Variants in FMN2 observed in about 807,000 individuals in gnomAD.
The protein encoded by FMN2 is formin-2.
A neutral mutation model predicts 142.3 loss-of-function variants in FMN2; 51 were observed. The observed-to-expected ratio is 0.36, with a 90% CI of 0.29 to 0.45. FMN2 has a LOEUF of 0.45. Ranked by LOEUF, FMN2 falls within the 20% of genes least tolerant of loss-of-function variation. The probability of loss-of-function intolerance (pLI) is 1.00; values close to 1 mark genes in which losing one functional copy is unlikely to be tolerated. For missense variants in FMN2, 1,936 were observed against 2,122.8 expected (o/e 0.91, Z 1.73); for synonymous variants, 882 against 869.8 (o/e 1.01, Z -0.25).
intron 8 of FMN2, among the ~76,000 whole-genome samples, chr1:240,307,842 T>A (rs1670465544): frequency 6.6e-6 from 1 of 152,220 alleles, no homozygotes; most frequent in South Asian, 2.1e-4. Flanking sequence ...ATGGATATTT[T>A]AATGATATTC....
intron 13 of FMN2, among the ~76,000 whole-genome samples, chr1:240,335,544 T>C (rs1671526957): frequency 6.6e-6 from 1 of 151,832 alleles, no homozygotes; most frequent in South Asian, 2.1e-4. Context: ...GCTAGAGGCA[T>C]TTCTAGGGGA....
At chr1:240,120,886 G>A (rs1052538317) in intron 1 of FMN2, among the ~76,000 whole-genome samples, 35 of 152,260 alleles carry the variant, frequency 2.3e-4, no homozygotes, top group Admixed American at 1.4e-3. Context: ...GGCCAGGCAC[G>A]GTGTTTTACG....
In FMN2 at chr1:240,178,328, T is replaced by G. The variant is rs115900990; in HGVS notation, c.1930+260T>G. 3.0e-3 allele frequency among the ~76,000 whole-genome samples: 461 copies of G among 152,270 alleles called. 2 individuals are homozygous for G. Among genetic ancestry groups the G allele is most frequent in the Non-Finnish European group, 4.3e-3 (292 of 68,022 alleles). ...TTCAGCAGGATGATGACCCCAAGCC[T>G]GGTTTTAAGAAAACACTTTATATTT... On this transcript the variant is annotated intron_variant, in intron 3 of 17. Transcript: ENST00000319653.
chr1:240,197,959 G>A (rs1270148447), intron 4 of FMN2, among the ~76,000 whole-genome samples: 1 of 152,056 alleles, frequency 6.6e-6, no homozygotes, highest in East Asian at 1.9e-4. Context: ...GTGAGCCACT[G>A]TGCCTGGCCA....
intron 16 of FMN2, among the ~76,000 whole-genome samples, chr1:240,464,001 GAAA>G (rs1037965808): frequency 1.4e-5 from 2 of 147,296 alleles, no homozygotes; most frequent in African/African-American, 2.5e-5. Context: ...ATACTCCATT[GAAA>G]AAAAAAAATT....
At chr1:240,339,096 C>T (rs939244115) in intron 13 of FMN2, among the ~76,000 whole-genome samples, 1 of 152,152 alleles carries the variant, frequency 6.6e-6, no homozygotes, top group Non-Finnish European at 1.5e-5. Context: ...GCTATAAATA[C>T]AGATGAAGCT....
chr1:240,110,367 G>A (rs1245000516), intron 1 of FMN2, among the ~76,000 whole-genome samples: 1 of 152,194 alleles, frequency 6.6e-6, no homozygotes, highest in East Asian at 1.9e-4. Context: ...GCTGACAGTA[G>A]ATGCAGAAAT....
intron 15 of FMN2, among the ~76,000 whole-genome samples, chr1:240,410,981 A>G (rs114547127): frequency 6.0e-4 from 92 of 152,284 alleles, no homozygotes; most frequent in African/African-American, 2.1e-3. Flanking sequence ...GTGCTGATGT[A>G]TCATTATTTA....
intron 3 of FMN2, among the ~76,000 whole-genome samples, chr1:240,184,780 A>G (rs903829549): frequency 2.0e-5 from 3 of 151,738 alleles, no homozygotes; most frequent in Admixed American, 1.3e-4. Context: ...GGGAGTGATC[A>G]CTTTCATTTA....
intron 8 of FMN2, among the ~76,000 whole-genome samples, chr1:240,317,704 C>A (rs964209597): frequency 2.7e-5 from 4 of 149,768 alleles, no homozygotes; most frequent in African/African-American, 7.6e-5. Context: ...CTGTTATGAA[C>A]ATGTATGTAC....
chr1:240,144,336 T>A, intron 2 of FMN2: 1 of 1,606,412 alleles, frequency 6.2e-7, no homozygotes, highest in Non-Finnish European at 8.5e-7. Context: ...GTTTTGTAGA[T>A]GTCATCAGGC....
At position 240,092,922 on chromosome 1, in the gene FMN2, G is replaced by GGCGCTGTCC; in HGVS notation, c.819_827dup (p.Ala275_Ser277dup). 6.8e-7 allele frequency: 1 copy of GGCGCTGTCC among 1,475,752 alleles called. No homozygotes were observed. The highest frequency in any genetic ancestry group is 8.9e-7 in the Non-Finnish European group (1 of 1,121,350). 91.4% of individuals were successfully genotyped at this position (1,475,752 alleles called of 1,614,324 possible). ...CCCCGGGCAGTCCGGACACCGAGCA[G>GGCGCTGTCC]GCGCTGTCCGCGCTCTCCGACCTGC... On this transcript the variant is annotated inframe_insertion, in exon 1 of 18. Coordinates refer to ENST00000319653, the MANE Select transcript of FMN2 (RefSeq NM_020066.5).
At chr1:240,339,139 G>A (rs1211727176) in intron 13 of FMN2, among the ~76,000 whole-genome samples, 2 of 152,120 alleles carry the variant, frequency 1.3e-5, no homozygotes, top group Non-Finnish European at 2.9e-5. Context: ...CCTCCTGCTG[G>A]GTGTCCCGGC....
chr1:240,150,750 G>A (rs1358733258), intron 2 of FMN2, among the ~76,000 whole-genome samples: 1 of 152,160 alleles, frequency 6.6e-6, no homozygotes, highest in East Asian at 1.9e-4. Context: ...GTTTTGTTAG[G>A]TGTATTTTTT....
At chr1:240,336,510 A>G (rs1671559753) in intron 13 of FMN2, among the ~76,000 whole-genome samples, 1 of 148,094 alleles carries the variant, frequency 6.8e-6, no homozygotes, top group African/African-American at 2.5e-5. Context: ...TTCATGACCA[A>G]ATGAATGTTA....
intron 4 of FMN2, among the ~76,000 whole-genome samples, chr1:240,190,714 C>T (rs1055236371): frequency 5.9e-5 from 9 of 152,028 alleles, no homozygotes; most frequent in East Asian, 1.9e-4. Context: ...GGTAATCACC[C>T]GATGCCAAAA....
At chr1:240,215,951 C>T (rs761951890) in intron 6 of FMN2, among the ~76,000 whole-genome samples, 3 of 149,766 alleles carry the variant, frequency 2.0e-5, no homozygotes, top group East Asian at 1.9e-4. Flanking sequence ...TCAGGTGATC[C>T]GTCTACCTTG....
chr1:240,291,830 A>G (rs1669803812), intron 7 of FMN2, among the ~76,000 whole-genome samples: 1 of 152,200 alleles, frequency 6.6e-6, no homozygotes. Flanking sequence ...AGCAAGGCTC[A>G]CTTGAGCAGG....
intron 13 of FMN2, among the ~76,000 whole-genome samples, chr1:240,334,623 G>A (rs1196794043): frequency 6.8e-6 from 1 of 147,558 alleles, no homozygotes; most frequent in Non-Finnish European, 1.5e-5. Flanking sequence ...GGATTTTCTG[G>A]CTTATGAACT....
Sources: gnomAD v4.1 joint callset for allele counts (sites outside exome capture counted in the v4.1 genomes callset) on GRCh38, gnomAD v4.1.1 for gene constraint, MANE v1.5 for transcripts, NCBI Gene and HGNC (gene_info 2026-07-23, HGNC 2026-07-21) for gene names.